Variants in SLC4A10 observed in about 807,000 individuals in gnomAD.
The protein encoded by SLC4A10 is sodium-driven chloride bicarbonate exchanger.
Under a neutral mutation model 137.7 loss-of-function variants are expected in SLC4A10, and 42 were observed. The observed-to-expected ratio is 0.30, with a 90% CI of 0.24 to 0.39. The LOEUF (loss-of-function observed/expected upper bound fraction) is 0.39. Among genes scored for constraint, SLC4A10 ranks in the 10% least tolerant of loss-of-function variants. SLC4A10 has a pLI of 1.00. For synonymous variants in SLC4A10, 474 were observed against 464.1 expected (o/e 1.02, Z -0.27); for missense variants, 925 against 1,355.0 (o/e 0.68, Z 4.98).
At position 161,916,777 on chromosome 2, in the gene SLC4A10, A is replaced by T. The variant is rs1380246007; in HGVS notation, c.1997+10890A>T. Reference sequence around the variant, plus strand: ...TTTTGGCTTGGAATGTTTCTGCCAGATACTTATGTGGCTTCTTTCACTTCC... The same window carrying T: ...TTTTGGCTTGGAATGTTTCTGCCAGTTACTTATGTGGCTTCTTTCACTTCC... On this transcript the variant is annotated intron_variant, in intron 15 of 26. Transcript: ENST00000446997. Among the ~76,000 whole-genome samples the T allele has an allele frequency of 2.0e-5, 3 of 152,280 alleles. No individual in the cohort carries two copies. In the East Asian group the frequency reaches 5.8e-4, roughly 29 times the overall value.
intron 3 of SLC4A10, among the ~76,000 whole-genome samples, chr2:161,809,859 G>C (rs758438235): frequency 6.6e-6 from 1 of 151,944 alleles, no homozygotes; most frequent in Non-Finnish European, 1.5e-5. Context: ...TGGCTATTTG[G>C]GCTCTTTTTT....
At chr2:161,878,401 A>G (rs1027078113) in intron 8 of SLC4A10, among the ~76,000 whole-genome samples, 1 of 152,100 alleles carries the variant, frequency 6.6e-6, no homozygotes, top group South Asian at 2.1e-4. Flanking sequence ...TTTTGCATTC[A>G]TTTTTTAGAC....
chr2:161,901,704 A>C (rs999083056), intron 12 of SLC4A10, among the ~76,000 whole-genome samples: 1 of 152,118 alleles, frequency 6.6e-6, no homozygotes, highest in East Asian at 1.9e-4. Flanking sequence ...ACTGCTTGCA[A>C]TGTGTCCTCT....
At chr2:161,699,933 G>A (rs2042954732) in intron 1 of SLC4A10, among the ~76,000 whole-genome samples, 1 of 152,074 alleles carries the variant, frequency 6.6e-6, no homozygotes, top group South Asian at 2.1e-4. Context: ...CAAATGCTAT[G>A]TAGATAGATA....
At chr2:161,758,446 G>A (rs2049902884) in intron 1 of SLC4A10, among the ~76,000 whole-genome samples, 6 of 151,658 alleles carry the variant, frequency 4.0e-5, no homozygotes, top group Admixed American at 2.6e-4. Context: ...GAATCCATAA[G>A]CGTTTCAAAT....
At chr2:161,635,216 G>T (rs1362744544) in intron 1 of SLC4A10, among the ~76,000 whole-genome samples, 2 of 151,862 alleles carry the variant, frequency 1.3e-5, no homozygotes, top group African/African-American at 4.8e-5. Flanking sequence ...GCCAAATCAG[G>T]ACTTTAAGGT....
intron 15 of SLC4A10, among the ~76,000 whole-genome samples, chr2:161,919,328 A>T: frequency 6.6e-6 from 1 of 152,246 alleles, no homozygotes; most frequent in South Asian, 2.1e-4. Context: ...GTCCCCAGTG[A>T]AACCTCACCT....
At chr2:161,947,184 A>G (rs915255559) in intron 16 of SLC4A10, among the ~76,000 whole-genome samples, 3 of 152,094 alleles carry the variant, frequency 2.0e-5, no homozygotes, top group African/African-American at 7.2e-5. Context: ...AATTTAAATG[A>G]TGTATTTAAA....
At chr2:161,772,800 CTAAA>C (rs2051813087) in intron 2 of SLC4A10, among the ~76,000 whole-genome samples, 1 of 151,896 alleles carries the variant, frequency 6.6e-6, no homozygotes, top group Non-Finnish European at 1.5e-5. Context: ...ACAGCCCATA[CTAAA>C]TAAACAATCT....
intron 21 of SLC4A10, among the ~76,000 whole-genome samples, chr2:161,960,865 T>A (rs1173180262): frequency 6.6e-6 from 1 of 152,158 alleles, no homozygotes; most frequent in African/African-American, 2.4e-5. Context: ...TGGCAATATC[T>A]TGCTTTAGGC....
At position 161,675,556 on chromosome 2, in the gene SLC4A10, T is replaced by TA. The variant is rs1227506614; in HGVS notation, c.48+50992dup. Among the ~76,000 whole-genome samples, 15 of 152,316 alleles carry TA rather than the reference T, an allele frequency of 9.8e-5. 1 individual carries two copies. The Middle Eastern group carries it at 0.02, about 207-fold the overall frequency. ...AAAAAACCACATATGCTAACCCTCT[T>TA]AACCATATGACTTTATGCAAAGCTC... On this transcript the variant is annotated intron_variant, in intron 1 of 26. Coordinates refer to ENST00000446997, the MANE Select transcript of SLC4A10 (RefSeq NM_001178015.2).
intron 1 of SLC4A10, 132 bp from the exon 2 acceptor site, chr2:161,770,841 A>G (rs1443276153): frequency 5.4e-6 from 3 of 555,138 alleles, no homozygotes; most frequent in Non-Finnish European, 9.5e-6. Flanking sequence ...CTAATCAAAT[A>G]GACTACTCAT....
chr2:161,977,288 A>G (rs1219125637), intron 25 of SLC4A10: 1 of 380,258 alleles, frequency 2.6e-6, no homozygotes, highest in Non-Finnish European at 5.3e-6. Flanking sequence ...ATAAATATTT[A>G]TATTTAGTAT....
intron 1 of SLC4A10, among the ~76,000 whole-genome samples, chr2:161,730,183 A>G (rs1320470228): frequency 1.3e-5 from 2 of 152,234 alleles, no homozygotes; most frequent in Admixed American, 6.5e-5. Context: ...GGAGAGGAGC[A>G]TAATTCATAC....
At chr2:161,671,224 T>C (rs2039680313) in intron 1 of SLC4A10, among the ~76,000 whole-genome samples, 1 of 152,024 alleles carries the variant, frequency 6.6e-6, no homozygotes. Flanking sequence ...TTCCAACTCT[T>C]CCACCATATG....
At chr2:161,981,583 A>C (rs776628198) in intron 26 of SLC4A10, among the ~76,000 whole-genome samples, 1 of 152,178 alleles carries the variant, frequency 6.6e-6, no homozygotes, top group South Asian at 2.1e-4. Context: ...GGCAAAAGAG[A>C]CTGGAAGGCA....
intron 1 of SLC4A10, among the ~76,000 whole-genome samples, chr2:161,643,865 T>C (rs2035638234): frequency 6.6e-6 from 1 of 152,118 alleles, no homozygotes; most frequent in Non-Finnish European, 1.5e-5. Context: ...AGCAATCTAT[T>C]AGGTTCAAAT....
chr2:161,977,655 T>C, intron 25 of SLC4A10, 67 bp from the exon 26 acceptor site: 1 of 1,338,250 alleles, frequency 7.5e-7, no homozygotes, highest in Non-Finnish European at 1.0e-6. Flanking sequence ...ATTATAAAGT[T>C]CCTTTATTTT....
intron 1 of SLC4A10, among the ~76,000 whole-genome samples, chr2:161,720,447 C>T (rs1028996667): frequency 6.6e-6 from 1 of 152,078 alleles, no homozygotes; most frequent in African/African-American, 2.4e-5. Flanking sequence ...TCATTGGTAG[C>T]TTGATGGGGA....
Sources: allele counts gnomAD v4.1 joint callset (sites outside exome capture counted in the v4.1 genomes callset), GRCh38; gene constraint gnomAD v4.1.1; transcripts MANE v1.5; gene names NCBI Gene and HGNC (gene_info 2026-07-23, HGNC 2026-07-21).